The following CADM2 variants were observed in gnomAD, a reference collection of about 807,000 sequenced individuals.
CADM2 encodes cell adhesion molecule 2, also known as immunoglobulin superfamily member 4D.
CADM2 carries 12 observed loss-of-function variants against 49.8 expected under a neutral mutation model. The ratio of observed to expected loss-of-function variants is 0.24; its 90% confidence interval spans 0.15 to 0.39. The LOEUF (loss-of-function observed/expected upper bound fraction) is 0.39, where lower values mean the gene tolerates loss of function less well. Among genes scored for constraint, CADM2 ranks in the 10% least tolerant of loss-of-function variants. The pLI, the probability that CADM2 is intolerant of heterozygous loss-of-function variation, is 1.00. For missense variants in CADM2, 378 were observed against 492.3 expected (o/e 0.77, Z 2.20); for synonymous variants, 214 against 175.4 (o/e 1.22, Z -1.74).
At chr3:85,476,999 A>G (rs944714314) in intron 1 of CADM2, among the ~76,000 whole-genome samples, 1 of 150,668 alleles carries the variant, frequency 6.6e-6, no homozygotes, top group African/African-American at 2.4e-5. Context: ...CAAAATGAAC[A>G]TATAGAAATG....
At chr3:85,787,665 G>T (rs2071075916) in intron 2 of CADM2, among the ~76,000 whole-genome samples, 1 of 152,032 alleles carries the variant, frequency 6.6e-6, no homozygotes, top group Admixed American at 6.6e-5. Flanking sequence ...AAATGATCCT[G>T]CACAGTTCAA....
intron 5 of CADM2, among the ~76,000 whole-genome samples, chr3:85,898,907 C>T: frequency 8.2e-6 from 1 of 121,794 alleles, no homozygotes; most frequent in Non-Finnish European, 1.6e-5. Flanking sequence ...AATGTTTGTA[C>T]TACTTCATAA....
chr3:85,425,201 C>A (rs747180280), intron 1 of CADM2, among the ~76,000 whole-genome samples: 2 of 152,108 alleles, frequency 1.3e-5, no homozygotes, highest in Non-Finnish European at 2.9e-5. Context: ...CAAATTAATT[C>A]TAAATAGAAA....
chr3:86,050,971 C>A (rs1434787020), intron 8 of CADM2, among the ~76,000 whole-genome samples: 1 of 152,180 alleles, frequency 6.6e-6, no homozygotes, highest in Non-Finnish European at 1.5e-5. Context: ...ATGCAAATTT[C>A]TGCAGCCTGC....
chr3:85,790,227 G>A (rs2071244209), intron 2 of CADM2, among the ~76,000 whole-genome samples: 1 of 152,168 alleles, frequency 6.6e-6, no homozygotes, highest in African/African-American at 2.4e-5. Flanking sequence ...ATGATGTTAT[G>A]TTTCACCTAC....
intron 1 of CADM2, among the ~76,000 whole-genome samples, chr3:85,566,665 T>C (rs1163881285): frequency 6.6e-6 from 1 of 152,184 alleles, no homozygotes; most frequent in African/African-American, 2.4e-5. Flanking sequence ...TTGGAAAATC[T>C]GCTCAGTATA....
chr3:85,636,529 T>G (rs1026189431), intron 1 of CADM2, among the ~76,000 whole-genome samples: 2 of 151,986 alleles, frequency 1.3e-5, no homozygotes, highest in African/African-American at 4.8e-5. Context: ...GATAGAAAAT[T>G]TAAAAAATAA....
At chr3:85,207,349 T>A (rs79802135) in intron 1 of CADM2, among the ~76,000 whole-genome samples, 3,663 of 152,252 alleles carry the variant, frequency 0.024, 161 homozygotes, top group African/African-American at 0.083. Context: ...TTTATTTTTA[T>A]TTTTAGAGGT....
chr3:85,328,674 C>A (rs974920668), intron 1 of CADM2, among the ~76,000 whole-genome samples: 1 of 152,048 alleles, frequency 6.6e-6, no homozygotes, highest in African/African-American at 2.4e-5. Context: ...CTCAAATCAC[C>A]AAGTGAAATT....
intron 1 of CADM2, among the ~76,000 whole-genome samples, chr3:84,993,289 C>T (rs2032994834): frequency 6.6e-6 from 1 of 152,058 alleles, no homozygotes; most frequent in South Asian, 2.1e-4. Flanking sequence ...ATTACAGTGA[C>T]AAAAGGGATT....
intron 2 of CADM2, among the ~76,000 whole-genome samples, chr3:85,744,360 G>T (rs921390558): frequency 6.6e-6 from 1 of 152,028 alleles, no homozygotes; most frequent in Non-Finnish European, 1.5e-5. Context: ...ATAATCAAGA[G>T]TATACTTGGA....
At chr3:85,476,897 AAC>A (rs35319709) in intron 1 of CADM2, among the ~76,000 whole-genome samples, 35,807 of 145,748 alleles carry the variant, frequency 0.25, 4,292 homozygotes, top group African/African-American at 0.3. Context: ...AAAGATTTTA[AAC>A]ACACACACAC....
At position 85,253,220 on chromosome 3, in the gene CADM2, T is replaced by C. The variant is rs150630062; in HGVS notation, c.61+293552T>C. Among the ~76,000 whole-genome samples the C allele has an allele frequency of 1.6e-3, 241 of 152,190 alleles. 1 individual carries two copies. Among genetic ancestry groups the C allele is most frequent in the African/African-American group, 5.3e-3 (219 of 41,586 alleles). ...CTGCACTCTCCCCTATCAATAGATA[T>C]ACAATAGATGCATGATTGCAGAGGA... On this transcript the variant is annotated intron_variant, in intron 1 of 9. Transcript: ENST00000383699.
chr3:84,970,274 A>T (rs1575941978), intron 1 of CADM2, among the ~76,000 whole-genome samples: 1 of 147,222 alleles, frequency 6.8e-6, no homozygotes, highest in African/African-American at 2.5e-5. Flanking sequence ...ATTGAATTTG[A>T]TTTTTTTTTT....
At chr3:85,605,074 C>T (rs1264987116) in intron 1 of CADM2, among the ~76,000 whole-genome samples, 1 of 151,972 alleles carries the variant, frequency 6.6e-6, no homozygotes, top group East Asian at 1.9e-4. Context: ...TTTAATCAGC[C>T]TTAAAATGGT....
At chr3:85,440,728 AT>A (rs11293900) in intron 1 of CADM2, among the ~76,000 whole-genome samples, 37,991 of 152,044 alleles carry the variant, frequency 0.25, 4,915 homozygotes, top group South Asian at 0.34. Flanking sequence ...CACGTCTGTA[AT>A]CCCAGTACTT....
chr3:85,595,111 T>C (rs1415020391), intron 1 of CADM2, among the ~76,000 whole-genome samples: 1 of 152,036 alleles, frequency 6.6e-6, no homozygotes, highest in Non-Finnish European at 1.5e-5. Flanking sequence ...ATTCTGCTAG[T>C]TGATAATACA....
chr3:85,073,921 T>C (rs1004645590), intron 1 of CADM2, among the ~76,000 whole-genome samples: 2 of 152,180 alleles, frequency 1.3e-5, no homozygotes, highest in Non-Finnish European at 2.9e-5. Context: ...AATGTTTCAG[T>C]AATTGAATTG....
At chr3:85,330,820 C>A (rs893931336) in intron 1 of CADM2, among the ~76,000 whole-genome samples, 11 of 148,622 alleles carry the variant, frequency 7.4e-5, no homozygotes, top group Admixed American at 7.4e-4. Flanking sequence ...AATAGCTCGG[C>A]ACGGTGGTGT....
Sources: gnomAD v4.1 joint callset for allele counts (sites outside exome capture counted in the v4.1 genomes callset) on GRCh38, gnomAD v4.1.1 for gene constraint, MANE v1.5 for transcripts, NCBI Gene and HGNC (gene_info 2026-07-23, HGNC 2026-07-21) for gene names.